The following NOL8 variants were observed in gnomAD, a reference collection of about 807,000 sequenced individuals.
NOL8 encodes nucleolar protein Nop132.
Under a neutral mutation model 116.1 loss-of-function variants are expected in NOL8, and 93 were observed. The ratio of observed to expected loss-of-function variants is 0.80; its 90% confidence interval spans 0.68 to 0.95. The LOEUF is 0.95. Among genes scored for constraint, NOL8 ranks in the 40% least tolerant of loss-of-function variants. NOL8 has a pLI of 0.00. For missense variants in NOL8, 1,291 were observed against 1,382.8 expected (o/e 0.93, Z 1.05); for synonymous variants, 419 against 469.0 (o/e 0.89, Z 1.38).
In NOL8 at chr9:92,314,944, G is replaced by C; in HGVS notation, c.1681C>G (p.Pro561Ala). Residue 561 changes from proline (P) to alanine (A), a missense_variant, in exon 7 of 17, where the codon CCA (proline) becomes GCA (alanine). Coordinates refer to ENST00000442668, the MANE Select transcript of NOL8 (RefSeq NM_017948.6). ...TTTGGCTTTAAATTGTTTTCCTTTGGTTTCTGTTTGCCACAGGTGTTCTCC... is the reference window on the plus strand; with the variant it reads ...TTTGGCTTTAAATTGTTTTCCTTTGCTTTCTGTTTGCCACAGGTGTTCTCC... ...GEENTCGKQKPKENNLKPKFQ... is the reference protein window; with the variant it reads ...GEENTCGKQKAKENNLKPKFQ... 2 of 1,613,856 alleles carry C rather than the reference G, an allele frequency of 1.2e-6. No individual in the cohort carries two copies. The highest frequency in any genetic ancestry group is 1.7e-6 in the Non-Finnish European group (2 of 1,179,872).
In NOL8 at chr9:92,314,418, G is replaced by A; in HGVS notation, c.2207C>T (p.Thr736Ile). The change falls in exon 7 of 17, where the codon ACT (threonine) becomes ATT (isoleucine). Residue 736 changes from threonine (T) to isoleucine (I), a missense_variant. By Grantham distance (89) the Thr-to-Ile change is moderately conservative. Transcript: ENST00000442668. ...VSSKDTREIK[T>I]DFSLSISNSS... ...ATTACTAATAGAAAGTGAGAAATCA[G>A]TTTTGATTTCCCGAGTGTCCTTGGA... 1 of 1,613,536 alleles carries A rather than the reference G, an allele frequency of 6.2e-7. No homozygotes were observed. Among genetic ancestry groups the A allele is most frequent in the Non-Finnish European group, 8.5e-7 (1 of 1,179,514 alleles).
At chr9:92,317,845 C>T (rs1024858575) in intron 6 of NOL8, among the ~76,000 whole-genome samples, 4 of 151,286 alleles carry the variant, frequency 2.6e-5, no homozygotes, top group Non-Finnish European at 5.9e-5. Context: ...CCATCCTGGC[C>T]AACATGGTGA....
chr9:92,314,981 C>T lies in NOL8; in HGVS notation c.1644G>A (p.Leu548=). ...CACAGGTGTTCTCCTCTCCTTCTAA[C>T]AGGGAAGCCACAATCTCCGCAGGAC... ...CIRPAEIVAS[L]LEGEENTCGK... is the part of the protein sequence containing the mutation. Residue 548 remains leucine, a synonymous_variant, in exon 7 of 17, where the codon CTG becomes CTA. Transcript: ENST00000442668. 6.2e-7 allele frequency: 1 copy of T among 1,613,998 alleles called. No individual in the cohort carries two copies. The highest frequency in any genetic ancestry group is 1.3e-5 in the African/African-American group (1 of 75,036).
chr9:92,301,988 A>G (rs1837794483), intron 12 of NOL8, among the ~76,000 whole-genome samples, 166 bp from the exon 13 acceptor site: 1 of 152,248 alleles, frequency 6.6e-6, no homozygotes, highest in Non-Finnish European at 1.5e-5. Context: ...AAAACTCTAC[A>G]TATAGAACTC....
At chr9:92,303,638 A>G (rs985173158) in intron 12 of NOL8, among the ~76,000 whole-genome samples, 1 of 152,152 alleles carries the variant, frequency 6.6e-6, no homozygotes, top group South Asian at 2.1e-4. Context: ...CTAAAAAGAG[A>G]TAAGAAGCTT....
chr9:92,300,231 G>C (rs1010497722), intron 13 of NOL8: 1 of 1,207,046 alleles, frequency 8.3e-7, no homozygotes, highest in South Asian at 2.2e-5. Context: ...GGCATTGCTA[G>C]AATGATCTGA....
chr9:92,299,614 G>T (rs1837543526), intron 14 of NOL8, among the ~76,000 whole-genome samples: 1 of 151,974 alleles, frequency 6.6e-6, no homozygotes, highest in Non-Finnish European at 1.5e-5. Flanking sequence ...AGCCAGGTGT[G>T]GTTGGCACGT....
In NOL8 at chr9:92,308,105, G is replaced by C. The variant is rs1444744013; in HGVS notation, c.2687-1081C>G. Among the ~76,000 whole-genome samples, 4 of 152,250 alleles carry C rather than the reference G, an allele frequency of 2.6e-5. No individual in the cohort carries two copies. The East Asian group carries it at 7.7e-4, about 29-fold the overall frequency. On this transcript the variant is annotated intron_variant, in intron 10 of 16. Coordinates refer to ENST00000442668, the MANE Select transcript of NOL8 (RefSeq NM_017948.6). ...ACGTTGTGCCTCAAAATTTGGGAAGGGGTCTGGTGCAGTGGTTCCATGCCT... is the reference window on the plus strand; with the variant it reads ...ACGTTGTGCCTCAAAATTTGGGAAGCGGTCTGGTGCAGTGGTTCCATGCCT...
At position 92,321,669 on chromosome 9, in the gene NOL8, T is replaced by C; in HGVS notation, c.280A>G (p.Arg94Gly). ...AAATCCATGTGGAGCAAAACTTACC[T>C]GTGCAGAAAGCTTTCTTTTGCTAGT... ...IQLAKESFLH[R>G]LAQEREAAKA... Residue 94 changes from arginine to glycine, a missense_variant and splice_region_variant, in exon 4 of 17, where the codon AGA becomes GGA. Physicochemically the swap from Arg to Gly is moderately radical, Grantham distance 125. Transcript: ENST00000442668. 20 of 1,524,232 alleles carry C rather than the reference T, an allele frequency of 1.3e-5. No homozygotes were observed. Among genetic ancestry groups the C allele is most frequent in the Non-Finnish European group, 1.8e-5 (20 of 1,137,732 alleles). 94.4% of individuals were successfully genotyped at this position (1,524,232 alleles called of 1,614,324 possible).
At chr9:92,320,069 T>C (rs887934238) in intron 4 of NOL8, 63 of 455,992 alleles carry the variant, frequency 1.4e-4, no homozygotes, top group Admixed American at 1.2e-3. Context: ...CTTCTCTCCA[T>C]TCACTCTTCC....
chr9:92,303,011 C>T (rs1837882733), intron 12 of NOL8, among the ~76,000 whole-genome samples: 2 of 152,100 alleles, frequency 1.3e-5, no homozygotes, highest in African/African-American at 2.4e-5. Context: ...GGAAAATGTA[C>T]CTAATTAGCT....
At chr9:92,322,117 T>C (rs899550322) in intron 3 of NOL8, among the ~76,000 whole-genome samples, 2 of 152,242 alleles carry the variant, frequency 1.3e-5, no homozygotes, top group East Asian at 1.9e-4. Flanking sequence ...ATATATTTCC[T>C]GTAACTATAA....
Position 92,298,875 on chromosome 9 carries a change from T to A in NOL8, c.3373+9A>T, listed in dbSNP as rs77872626. 1 of 1,490,124 alleles carries A rather than the reference T, an allele frequency of 6.7e-7. No individual in the cohort carries two copies. Among genetic ancestry groups the A allele is most frequent in the East Asian group, 2.5e-5 (1 of 40,334 alleles). 92.3% of individuals were successfully genotyped at this position (1,490,124 alleles called of 1,614,324 possible). A position where few individuals can be genotyped will look rare whatever the true frequency, so the allele number is the denominator to read the frequency against. On this transcript the variant is annotated intron_variant, in intron 15 of 16. Transcript: ENST00000442668. Reference sequence around the variant, plus strand: ...TATGTATGTAATTTGATGAAAAAAATGGACTGACCTTGAAGTCGTTCATCA... The same window carrying A: ...TATGTATGTAATTTGATGAAAAAAAAGGACTGACCTTGAAGTCGTTCATCA...
chr9:92,324,471 A>C, intron 1 of NOL8: 1 of 221,932 alleles, frequency 4.5e-6, no homozygotes, highest in East Asian at 9.6e-5. Flanking sequence ...ATAATATTAC[A>C]CTCTATCCCT....
chr9:92,314,474 G>A lies in NOL8; in HGVS notation c.2151C>T (p.Leu717=), dbSNP rs546200533. Residue 717 remains leucine (L), a synonymous_variant, in exon 7 of 17, where the codon CTC becomes CTT. Transcript: ENST00000442668. Reference sequence around the variant, plus strand: ...CCTTTGGTGATTTCTTGAGAGATGTGAGGCCGCTTGAATCAGACCGCTCTT... The same window carrying A: ...CCTTTGGTGATTTCTTGAGAGATGTAAGGCCGCTTGAATCAGACCGCTCTT... ...SQEERSDSSG[L]TSLKKSPKVS... The A allele has an allele frequency of 1.2e-5, 20 of 1,612,854 alleles. No homozygotes were observed. The South Asian group carries it at 1.6e-4, about 13-fold the overall frequency.
intron 15 of NOL8, 104 bp from the exon 16 acceptor site, chr9:92,298,440 T>C: frequency 1.5e-6 from 1 of 650,428 alleles, no homozygotes; most frequent in South Asian, 2.1e-5. Context: ...GTTAAGATCA[T>C]TCTTTTCCCT....
chr9:92,298,980 A>G, intron 14 of NOL8, 26 bp from the exon 15 acceptor site: 2 of 1,340,386 alleles, frequency 1.5e-6, no homozygotes, highest in Non-Finnish European at 2.0e-6. Context: ...CAAAGGAGAG[A>G]GAAAAATAGG....
rs1364055839 is a variant in NOL8 at position 92,314,409 on chromosome 9, G to A, written c.2216C>T (p.Ser739Leu). 3.7e-6 allele frequency: 6 copies of A among 1,613,560 alleles called. No individual in the cohort carries two copies. Among genetic ancestry groups the A allele is most frequent in the East Asian group, 4.5e-5 (2 of 44,860 alleles). Residue 739 changes from serine (S) to leucine (L), a missense_variant, in exon 7 of 17, where the codon TCA becomes TTA. Physicochemically the swap from Ser to Leu is moderately radical, Grantham distance 145. Coordinates refer to ENST00000442668, the MANE Select transcript of NOL8 (RefSeq NM_017948.6). Reference protein sequence around the residue: ...KDTREIKTDFSLSISNSSDVS... With the variant: ...KDTREIKTDFLLSISNSSDVS... ...ATCTGACGAATTACTAATAGAAAGT[G>A]AGAAATCAGTTTTGATTTCCCGAGT...
intron 8 of NOL8, 144 bp from the exon 9 acceptor site, chr9:92,310,819 C>T (rs1219225535): frequency 3.5e-6 from 3 of 853,252 alleles, no homozygotes; most frequent in African/African-American, 3.4e-5. Flanking sequence ...GGTGGAAATT[C>T]CTGACTCAGT....
Sources: allele counts gnomAD v4.1 joint callset (sites outside exome capture counted in the v4.1 genomes callset), GRCh38; gene constraint gnomAD v4.1.1; transcripts MANE v1.5; gene names NCBI Gene and HGNC (gene_info 2026-07-23, HGNC 2026-07-21).